The following SMYD3 variants were observed in gnomAD, a reference collection of about 807,000 sequenced individuals.
SMYD3 encodes histone-lysine N-methyltransferase SMYD3.
In SMYD3, 36 loss-of-function variants were observed where a neutral mutation model predicts 57.7. The observed-to-expected ratio is 0.62, with a 90% CI of 0.48 to 0.82. The LOEUF (loss-of-function observed/expected upper bound fraction) is 0.82. SMYD3 is among the 40% of genes least tolerant of loss of function. The probability of loss-of-function intolerance (pLI) is 0.00; values close to 1 mark genes in which losing one functional copy is unlikely to be tolerated. For synonymous variants in SMYD3, 211 were observed against 195.0 expected, an observed-to-expected ratio of 1.08 and a Z score of -0.68; for missense variants, 515 against 538.8, an observed-to-expected ratio of 0.96 and a Z score of 0.44.
At chr1:246,186,581 A>G (rs1314373080) in intron 5 of SMYD3, among the ~76,000 whole-genome samples, 1 of 152,170 alleles carries the variant, frequency 6.6e-6, no homozygotes, top group South Asian at 2.1e-4. Context: ...AGAATTTAGA[A>G]TTCTTGTTTA....
chr1:246,244,750 T>A (rs981584892), intron 5 of SMYD3, among the ~76,000 whole-genome samples: 4 of 152,206 alleles, frequency 2.6e-5, no homozygotes, highest in African/African-American at 9.6e-5. Context: ...TTCATTGGAC[T>A]CTTCCACACT....
intron 7 of SMYD3, among the ~76,000 whole-genome samples, chr1:245,920,177 G>C (rs1169474755): frequency 6.6e-6 from 1 of 152,086 alleles, no homozygotes; most frequent in Non-Finnish European, 1.5e-5. Context: ...GCCAGGCGTG[G>C]TGGCGGGCGC....
rs1158342163 is a variant in SMYD3 at position 246,352,642 on chromosome 1, C to T, written c.228+2389G>A. Among the ~76,000 whole-genome samples the T allele has an allele frequency of 2.0e-5, 3 of 152,278 alleles. No homozygotes were observed. In the East Asian group the frequency reaches 5.8e-4, roughly 29 times the overall value. On this transcript the variant is annotated intron_variant, in intron 2 of 11. Transcript: ENST00000490107. ...CTGTTACCTTCCACAGTATATCTGA[C>T]AGTGACATTGTTATTGATGCCACAG...
intron 5 of SMYD3, among the ~76,000 whole-genome samples, chr1:246,281,466 G>A (rs2064440539): frequency 6.6e-6 from 1 of 152,194 alleles, no homozygotes; most frequent in Non-Finnish European, 1.5e-5. Flanking sequence ...TATCATGGGT[G>A]AGTAAAGCTC....
intron 10 of SMYD3, among the ~76,000 whole-genome samples, chr1:245,823,950 G>C (rs150467526): frequency 6.6e-6 from 1 of 152,200 alleles, no homozygotes; most frequent in African/African-American, 2.4e-5. Context: ...GGCACCGCAC[G>C]CAGGGCAGGG....
chr1:246,370,390 T>A (rs965019842), intron 1 of SMYD3, among the ~76,000 whole-genome samples: 1 of 152,188 alleles, frequency 6.6e-6, no homozygotes, highest in East Asian at 1.9e-4. Context: ...TTCTGATGAA[T>A]AAAGAGTGAG....
At chr1:245,869,067 T>G (rs774618950) in intron 8 of SMYD3, among the ~76,000 whole-genome samples, 6 of 152,136 alleles carry the variant, frequency 3.9e-5, no homozygotes, top group African/African-American at 1.4e-4. Flanking sequence ...CAAAGACACT[T>G]GATATAATTC....
At chr1:245,790,251 A>G (rs1437586459) in intron 10 of SMYD3, among the ~76,000 whole-genome samples, 1 of 152,228 alleles carries the variant, frequency 6.6e-6, no homozygotes, top group Non-Finnish European at 1.5e-5. Flanking sequence ...GGGGCACAAA[A>G]CAGCAACACT....
intron 1 of SMYD3, 80 bp downstream of exon 1, chr1:246,506,974 T>G (rs974207220): frequency 8.0e-7 from 1 of 1,253,172 alleles, no homozygotes. Flanking sequence ...GTCCCGCGGC[T>G]GCCGGCCGCC....
At chr1:246,176,108 C>T (rs2062429668) in intron 5 of SMYD3, among the ~76,000 whole-genome samples, 1 of 152,142 alleles carries the variant, frequency 6.6e-6, no homozygotes, top group Non-Finnish European at 1.5e-5. Context: ...TATTTCGTTC[C>T]AGTACTCTCC....
At chr1:245,929,839 C>A (rs755363841) in intron 6 of SMYD3, 31 bp downstream of exon 6, 27 of 1,565,962 alleles carry the variant, frequency 1.7e-5, no homozygotes, top group Non-Finnish European at 2.3e-5. Flanking sequence ...GAAAGTGTGT[C>A]TTCCAGTACA....
intron 5 of SMYD3, among the ~76,000 whole-genome samples, chr1:246,156,988 A>C (rs1423000298): frequency 6.6e-6 from 1 of 151,678 alleles, no homozygotes; most frequent in Non-Finnish European, 1.5e-5. Flanking sequence ...AAGGGATGCT[A>C]GGAGGTACGA....
intron 5 of SMYD3, among the ~76,000 whole-genome samples, chr1:246,127,965 T>C (rs1408169261): frequency 1.3e-5 from 2 of 152,218 alleles, no homozygotes; most frequent in East Asian, 1.9e-4. Context: ...AAAATGAGTG[T>C]AAACATAGAT....
intron 5 of SMYD3, among the ~76,000 whole-genome samples, chr1:246,166,115 A>G (rs2062205949): frequency 6.6e-6 from 1 of 152,052 alleles, no homozygotes; most frequent in Non-Finnish European, 1.5e-5. Context: ...AAAAAAGAAG[A>G]AGAAAAGCAC....
chr1:246,310,847 T>C (rs2065065018), intron 5 of SMYD3, among the ~76,000 whole-genome samples: 1 of 152,002 alleles, frequency 6.6e-6, no homozygotes, highest in South Asian at 2.1e-4. Flanking sequence ...CTTTTGTATT[T>C]TTAGTAGAGA....
chr1:246,019,132 C>T (rs1267740109), intron 5 of SMYD3, among the ~76,000 whole-genome samples: 1 of 152,214 alleles, frequency 6.6e-6, no homozygotes, highest in Non-Finnish European at 1.5e-5. Context: ...CCATTACTCT[C>T]CACTCCAGTG....
At chr1:246,069,756 T>C (rs2060410546) in intron 5 of SMYD3, among the ~76,000 whole-genome samples, 1 of 152,188 alleles carries the variant, frequency 6.6e-6, no homozygotes, top group African/African-American at 2.4e-5. Context: ...AGCAGCAGGC[T>C]CACTCCTCCA....
chr1:245,828,356 T>C (rs1002766240), intron 10 of SMYD3, among the ~76,000 whole-genome samples: 3 of 152,186 alleles, frequency 2.0e-5, no homozygotes, highest in African/African-American at 7.2e-5. Flanking sequence ...TTCTAGAAAA[T>C]ATAGATTCAC....
intron 1 of SMYD3, among the ~76,000 whole-genome samples, chr1:246,429,492 T>C (rs886608969): frequency 6.6e-6 from 1 of 152,158 alleles, no homozygotes; most frequent in Non-Finnish European, 1.5e-5. Flanking sequence ...AAAACAAAAA[T>C]ATGAAGTGCC....
Sources: gnomAD v4.1 joint callset for allele counts (sites outside exome capture counted in the v4.1 genomes callset) on GRCh38, gnomAD v4.1.1 for gene constraint, MANE v1.5 for transcripts, NCBI Gene and HGNC (gene_info 2026-07-23, HGNC 2026-07-21) for gene names.